Variants in ABHD2 observed in about 807,000 individuals in gnomAD.
ABHD2 encodes monoacylglycerol lipase ABHD2.
Under a neutral mutation model 48.1 loss-of-function variants are expected in ABHD2, and 20 were observed. That is an observed-to-expected ratio of 0.42 (90% CI 0.29 to 0.60). The LOEUF (loss-of-function observed/expected upper bound fraction) is 0.60, where lower values mean the gene tolerates loss of function less well. Among genes scored for constraint, ABHD2 ranks in the 20% least tolerant of loss-of-function variants. ABHD2 has a pLI of 0.24. For missense variants in ABHD2, 405 were observed against 550.9 expected (o/e 0.74, Z 2.65); for synonymous variants, 209 against 214.2 (o/e 0.98, Z 0.21).
intron 4 of ABHD2, among the ~76,000 whole-genome samples, chr15:89,153,137 C>A (rs1000686582): frequency 8.2e-4 from 125 of 152,316 alleles, no homozygotes; most frequent in African/African-American, 3.0e-3. Context: ...GCTCAGATGT[C>A]ATCTCCTCAG....
the ABHD2 span, among the ~76,000 whole-genome samples, chr15:89,052,558 G>GACAC: frequency 5.6e-5 from 7 of 124,240 alleles, no homozygotes; most frequent in Admixed American, 4.1e-4. Flanking sequence ...CAGACAGACA[G>GACAC]ACACACACAC....
At chr15:89,075,827 G>A in the ABHD2 span, among the ~76,000 whole-genome samples, 1 of 152,196 alleles carries the variant, frequency 6.6e-6, no homozygotes, top group African/African-American at 2.4e-5. This position sits in a 1 kb window ranked among gnomAD's most constrained non-coding sequence, Gnocchi z 4.1. Flanking sequence ...AGTCCATGGG[G>A]CAGGCTGTGA....
intron 5 of ABHD2, among the ~76,000 whole-genome samples, chr15:89,157,400 A>G (rs140901241): frequency 2.0e-5 from 3 of 152,292 alleles, no homozygotes; most frequent in Non-Finnish European, 2.9e-5. Flanking sequence ...GGTCACAGGT[A>G]TGGAAGCATG....
Position 89,094,785 on chromosome 15 carries a change from G to T in ABHD2, c.-107+6222G>T, listed in dbSNP as rs928797498. Among the ~76,000 whole-genome samples the T allele has an allele frequency of 6.6e-6, 1 of 151,844 alleles. No individual in the cohort carries two copies. The highest frequency in any genetic ancestry group is 1.5e-5 in the Non-Finnish European group (1 of 67,978). ...GTCATCTAAAAAGATATTTTAGCCT[G>T]GGTGCGGTGGCTCACACCTGTAATC... On this transcript the variant is annotated intron_variant, in intron 1 of 10. Coordinates refer to ENST00000352732, the MANE Select transcript of ABHD2 (RefSeq NM_152924.5). The surrounding 1 kb of genome is among the most constrained non-coding windows in gnomAD (Gnocchi z 4.7).
At chr15:89,123,970 C>A (rs1044851344) in intron 3 of ABHD2, among the ~76,000 whole-genome samples, 19 of 152,202 alleles carry the variant, frequency 1.2e-4, no homozygotes, top group Non-Finnish European at 5.9e-5. Context: ...ACAGTACCAA[C>A]TCCCTCTCTA....
rs2050660674 is a variant in ABHD2 at position 89,155,629 on chromosome 15, T to C, written c.538+95T>C. 3 of 1,449,870 alleles carry C rather than the reference T, an allele frequency of 2.1e-6. No individual in the cohort carries two copies. Among genetic ancestry groups the C allele is most frequent in the Non-Finnish European group, 2.8e-6 (3 of 1,073,696 alleles). 89.8% of individuals were successfully genotyped at this position (1,449,870 alleles called of 1,614,324 possible). A position where few individuals can be genotyped will look rare whatever the true frequency, so the allele number is the denominator to read the frequency against. ...TTTCTTTTTTTAAGTTTTAAACCTA[T>C]GCCCATCTGCAAGAGATGGTAGGTC... On this transcript the variant is annotated intron_variant, in intron 5 of 10. Transcript: ENST00000352732. This position sits in a 1 kb window ranked among gnomAD's most constrained non-coding sequence, Gnocchi z 4.9.
chr15:89,117,666 T>C (rs2049982832), intron 3 of ABHD2, among the ~76,000 whole-genome samples: 1 of 152,244 alleles, frequency 6.6e-6, no homozygotes, highest in Admixed American at 6.5e-5. Flanking sequence ...ACATGACTAA[T>C]GCAGTTGCTA....
At chr15:89,071,189 G>A in the ABHD2 span, among the ~76,000 whole-genome samples, 1 of 152,172 alleles carries the variant, frequency 6.6e-6, no homozygotes, top group Non-Finnish European at 1.5e-5. Flanking sequence ...GGAGGCCAAG[G>A]CGAGTGGATC....
At position 89,175,154 on chromosome 15, in the gene ABHD2, G is replaced by GT. The variant is rs1400512018; in HGVS notation, c.539-657dup. On this transcript the variant is annotated intron_variant, in intron 5 of 10. Coordinates refer to ENST00000352732, the MANE Select transcript of ABHD2 (RefSeq NM_152924.5). This position sits in a 1 kb window ranked among gnomAD's most constrained non-coding sequence, Gnocchi z 5.7. ...ACACCATGAATCATCATACACATGG[G>GT]TATAGCATCCCAATTTGTAGCCTAG... Among the ~76,000 whole-genome samples the GT allele has an allele frequency of 6.6e-6, 1 of 152,158 alleles. No individual in the cohort carries two copies. The highest frequency in any genetic ancestry group is 2.4e-5 in the African/African-American group (1 of 41,440).
rs571691710 is a variant in ABHD2, at chr15:89,164,550, G to T, written c.538+9016G>T. Among the ~76,000 whole-genome samples, 1 of 152,212 alleles carries T rather than the reference G, an allele frequency of 6.6e-6. No individual in the cohort carries two copies. The highest frequency in any genetic ancestry group is 1.9e-4 in the East Asian group (1 of 5,170). On this transcript the variant is annotated intron_variant, in intron 5 of 10. Transcript: ENST00000352732. This position sits in a 1 kb window ranked among gnomAD's most constrained non-coding sequence, Gnocchi z 5.0. Reference sequence around the variant, plus strand: ...ACCTGTAATCCCAGCACTTTGGGACGCCCAGGCTGGCAGATCACTTGAGCC... The same window carrying T: ...ACCTGTAATCCCAGCACTTTGGGACTCCCAGGCTGGCAGATCACTTGAGCC...
Position 89,101,855 on chromosome 15 carries a change from T to C in ABHD2, c.-106-11870T>C, listed in dbSNP as rs993947831. Among the ~76,000 whole-genome samples the C allele has an allele frequency of 2.6e-5, 4 of 152,314 alleles. No homozygotes were observed. In the East Asian group the frequency reaches 7.7e-4, roughly 29 times the overall value. ...AGGGCTTGCAGTGGGGCTCAAATGG[T>C]GAACGTCAGTGCTTGTCCAACATCG... is the stretch of plus-strand genomic sequence containing the variant. On this transcript the variant is annotated intron_variant, in intron 1 of 10. Transcript: ENST00000352732.
At chr15:89,192,873 CTT>C (rs2051330155) in intron 9 of ABHD2, among the ~76,000 whole-genome samples, 1 of 152,174 alleles carries the variant, frequency 6.6e-6, no homozygotes, top group African/African-American at 2.4e-5. Flanking sequence ...TGTAGAATCT[CTT>C]TTGTCTGGTA....
At position 89,151,576 on chromosome 15, in the gene ABHD2, T is replaced by A; in HGVS notation, c.195-101T>A. 1 of 1,336,664 alleles carries A rather than the reference T, an allele frequency of 7.5e-7. No individual in the cohort carries two copies. The highest frequency in any genetic ancestry group is 1.9e-4 in the Middle Eastern group (1 of 5,280). The allele number at this position is 1,336,664 out of a possible 1,614,324, so 82.8% of individuals were successfully genotyped here. On this transcript the variant is annotated intron_variant, in intron 3 of 10. Coordinates refer to ENST00000352732, the MANE Select transcript of ABHD2 (RefSeq NM_152924.5). The surrounding 1 kb of genome is among the most constrained non-coding windows in gnomAD (Gnocchi z 4.7). The stretch of plus-strand genomic sequence containing the variant: ...ATGTTTATGCTTTGTGTGCAGAATT[T>A]CCCTGGAACAAAAATAGGTTGAAAG...
At chr15:89,172,880 T>C (rs2050952528) in intron 5 of ABHD2, among the ~76,000 whole-genome samples, 1 of 152,204 alleles carries the variant, frequency 6.6e-6, no homozygotes, top group Non-Finnish European at 1.5e-5. Flanking sequence ...CTCATCCTAT[T>C]CCTGTAGGTT....
chr15:89,079,064 G>A, the ABHD2 span, among the ~76,000 whole-genome samples: 30 of 152,034 alleles, frequency 2.0e-4, no homozygotes, highest in Non-Finnish European at 2.9e-4. The surrounding 1 kb of genome is among the most constrained non-coding windows in gnomAD (Gnocchi z 4.3). Flanking sequence ...ATCTTCACAG[G>A]TATGAGACAA....
intron 3 of ABHD2, among the ~76,000 whole-genome samples, chr15:89,140,671 C>A (rs1429464131): frequency 1.3e-5 from 2 of 152,246 alleles, no homozygotes; most frequent in South Asian, 4.1e-4. Context: ...GCACAGGCCC[C>A]CCCTGTGTGT....
intron 3 of ABHD2, among the ~76,000 whole-genome samples, chr15:89,123,392 T>C (rs1013331728): frequency 3.3e-5 from 5 of 152,176 alleles, no homozygotes; most frequent in Admixed American, 3.3e-4. Flanking sequence ...TTCCTGCCAA[T>C]TAGTCATCCA....
rs536016698 is a variant in ABHD2, at chr15:89,184,859, T to C, written c.723-565T>C. 3.9e-5 allele frequency among the ~76,000 whole-genome samples: 6 copies of C among 152,356 alleles called. No individual in the cohort carries two copies. Among genetic ancestry groups the C allele is most frequent in the African/African-American group, 1.4e-4 (6 of 41,582 alleles). On this transcript the variant is annotated intron_variant, in intron 6 of 10. Coordinates refer to ENST00000352732, the MANE Select transcript of ABHD2 (RefSeq NM_152924.5). This position sits in a 1 kb window ranked among gnomAD's most constrained non-coding sequence, Gnocchi z 5.1. ...CTGTGCCTACAAAGGGTTAAGGGCC[T>C]GTCTACTTCCACTTCGATTTCCTTG...
At chr15:89,089,655 A>G (rs1901513918) in intron 1 of ABHD2, among the ~76,000 whole-genome samples, 1 of 152,220 alleles carries the variant, frequency 6.6e-6, no homozygotes. Flanking sequence ...GGCAGAGTCA[A>G]CAAGATCTGT....
Sources: allele counts gnomAD v4.1 joint callset (sites outside exome capture counted in the v4.1 genomes callset), GRCh38; gene constraint gnomAD v4.1.1; non-coding constraint Gnocchi (gnomAD v3.1); transcripts MANE v1.5; gene names NCBI Gene and HGNC (gene_info 2026-07-23, HGNC 2026-07-21).